Variants in MYO1B observed in about 807,000 individuals in gnomAD.
MYO1B encodes the protein unconventional myosin-Ib.
MYO1B carries 72 observed loss-of-function variants against 159.7 expected under a neutral mutation model. The ratio of observed to expected loss-of-function variants is 0.45; its 90% CI spans 0.37 to 0.55. The LOEUF is 0.55. Among genes scored for constraint, MYO1B ranks in the 20% least tolerant of loss-of-function variants. The probability of loss-of-function intolerance (pLI) is 0.00; values close to 1 mark genes in which losing one functional copy is unlikely to be tolerated. For missense variants in MYO1B, 1,062 were observed against 1,364.8 expected, an observed-to-expected ratio of 0.78 and a Z score of 3.50; for synonymous variants, 468 against 473.8, an observed-to-expected ratio of 0.99 and a Z score of 0.16.
chr2:191,288,661 A>T (rs1688523714), intron 2 of MYO1B, among the ~76,000 whole-genome samples: 1 of 152,230 alleles, frequency 6.6e-6, no homozygotes, highest in African/African-American at 2.4e-5. Flanking sequence ...TGTTTTGCAT[A>T]AAGTTAGCCC....
rs752938663 is a variant in MYO1B at position 191,370,305 on chromosome 2, A to G, written c.1185+13A>G. On this transcript the variant is annotated intron_variant, in intron 13 of 30. Transcript: ENST00000392318. The stretch of plus-strand genomic sequence containing the variant: ...TGAGATTTTCGAGGTAAGATTTAAA[A>G]TTTTTTTTGTATTGTCTTTAGTAGA... The G allele has an allele frequency of 3.1e-6, 5 of 1,601,816 alleles. No individual in the cohort carries two copies. Among genetic ancestry groups the G allele is most frequent in the Non-Finnish European group, 4.3e-6 (5 of 1,169,700 alleles).
At chr2:191,330,411 A>AAAAGTG (rs1340456265) in intron 4 of MYO1B, among the ~76,000 whole-genome samples, 1 of 152,196 alleles carries the variant, frequency 6.6e-6, no homozygotes, top group African/African-American at 2.4e-5. Flanking sequence ...ACCTTTGCTA[A>AAAAGTG]AAAGTGAGGG....
At chr2:191,290,943 T>A (rs1218234730) in intron 2 of MYO1B, among the ~76,000 whole-genome samples, 1 of 152,128 alleles carries the variant, frequency 6.6e-6, no homozygotes, top group African/African-American at 2.4e-5. Flanking sequence ...GTCCTGTGAG[T>A]CTGGAAGGGA....
At chr2:191,302,556 C>T (rs534316671) in intron 3 of MYO1B, among the ~76,000 whole-genome samples, 1 of 152,184 alleles carries the variant, frequency 6.6e-6, no homozygotes, top group East Asian at 1.9e-4. Context: ...ATTTGTTCAG[C>T]TTCGATTTGT....
At chr2:191,266,102 A>G (rs1353820806) in intron 1 of MYO1B, among the ~76,000 whole-genome samples, 1 of 152,302 alleles carries the variant, frequency 6.6e-6, no homozygotes, top group South Asian at 2.1e-4. Flanking sequence ...AAATGACTGT[A>G]GGGACAGTGG....
chr2:191,400,252 T>G, intron 21 of MYO1B, 130 bp from the exon 22 acceptor site: 2 of 994,158 alleles, frequency 2.0e-6, no homozygotes, highest in Non-Finnish European at 3.2e-6. Context: ...CACCTTCGCC[T>G]TCTTTAACCT....
chr2:191,264,486 T>C (rs1266742472), intron 1 of MYO1B, among the ~76,000 whole-genome samples: 1 of 150,864 alleles, frequency 6.6e-6, no homozygotes, highest in Non-Finnish European at 1.5e-5. Context: ...CTTTAGACTT[T>C]TTTTTTTTTG....
At chr2:191,271,845 A>G (rs1026345526) in intron 1 of MYO1B, among the ~76,000 whole-genome samples, 4 of 152,192 alleles carry the variant, frequency 2.6e-5, no homozygotes, top group East Asian at 1.9e-4. Context: ...TTGTGTAGCC[A>G]TCTCTGTGTG....
chr2:191,304,113 G>T (rs1055082031), intron 3 of MYO1B, among the ~76,000 whole-genome samples: 1 of 152,180 alleles, frequency 6.6e-6, no homozygotes, highest in Admixed American at 6.5e-5. Context: ...TGGTGGTCAA[G>T]CTCTGCTGTT....
intron 5 of MYO1B, among the ~76,000 whole-genome samples, chr2:191,345,094 C>G (rs1265082575): frequency 6.6e-6 from 1 of 152,188 alleles, no homozygotes; most frequent in Non-Finnish European, 1.5e-5. Context: ...TGCCTAGCCT[C>G]TGATTCCAGA....
In MYO1B at chr2:191,423,535, G is replaced by A. The variant is rs868846494; in HGVS notation, c.3288-302G>A. Among the ~76,000 whole-genome samples, 12 of 152,296 alleles carry A rather than the reference G, an allele frequency of 7.9e-5. 1 individual carries two copies. The highest frequency in any genetic ancestry group is 2.0e-4 in the Admixed American group (3 of 15,306). On this transcript the variant is annotated intron_variant, in intron 30 of 30. Transcript: ENST00000392318. The stretch of plus-strand genomic sequence containing the variant: ...CATAGGAATTTTTCCGCGCTTATGG[G>A]ACCACCATCATATATGTGGTTCATT...
chr2:191,279,766 T>TAAA (rs34604771), intron 2 of MYO1B, among the ~76,000 whole-genome samples: 1 of 151,324 alleles, frequency 6.6e-6, no homozygotes, highest in African/African-American at 2.4e-5. Flanking sequence ...AAGATGCAGT[T>TAAA]AAAAAAAAAC....
At chr2:191,294,780 C>A (rs916087476) in intron 2 of MYO1B, among the ~76,000 whole-genome samples, 1 of 151,716 alleles carries the variant, frequency 6.6e-6, no homozygotes, top group African/African-American at 2.4e-5. Context: ...AGTATTCTTA[C>A]AGGATGAAAG....
chr2:191,314,323 C>T (rs1690211205), intron 3 of MYO1B, among the ~76,000 whole-genome samples: 1 of 152,036 alleles, frequency 6.6e-6, no homozygotes, highest in African/African-American at 2.4e-5. Flanking sequence ...TCAATAAAGA[C>T]TTTTCTAATA....
chr2:191,373,052 A>AT (rs1694476048), intron 13 of MYO1B, among the ~76,000 whole-genome samples: 1 of 151,894 alleles, frequency 6.6e-6, no homozygotes, highest in Admixed American at 6.6e-5. Flanking sequence ...GGGTTTCACC[A>AT]TGTTGGCCAG....
chr2:191,395,450 C>A (rs193047832), intron 20 of MYO1B, among the ~76,000 whole-genome samples: 2 of 152,228 alleles, frequency 1.3e-5, no homozygotes, highest in East Asian at 1.9e-4. Context: ...GCATCTCTCC[C>A]GCCTCAGAGA....
In MYO1B at chr2:191,276,904, A is replaced by G. The variant is rs1353162501; in HGVS notation, c.9A>G (p.Lys3=). 3 of 1,606,382 alleles carry G rather than the reference A, an allele frequency of 1.9e-6. No homozygotes were observed. The highest frequency in any genetic ancestry group is 3.5e-5 in the Admixed American group (2 of 57,394). ...TTCTGCAGCTGGAGACCATGGCCAA[A>G]ATGGAGGTGAAAACCTCACTTCTGG... MA[K]MEVKTSLLDN... The change falls in exon 2 of 31, where the codon AAA becomes AAG. Residue 3 remains lysine (K), a synonymous_variant. Coordinates refer to ENST00000392318, the MANE Select transcript of MYO1B (RefSeq NM_001130158.3).
intron 3 of MYO1B, among the ~76,000 whole-genome samples, chr2:191,308,070 C>T (rs373956387): frequency 6.6e-6 from 1 of 152,146 alleles, no homozygotes; most frequent in African/African-American, 2.4e-5. Context: ...GATTCCCCCC[C>T]ACTCTAATCA....
rs561200644 is a variant in MYO1B, at chr2:191,329,533, A to G, written c.252-402A>G. 6.6e-5 allele frequency among the ~76,000 whole-genome samples: 10 copies of G among 151,222 alleles called. 1 individual carries two copies. The South Asian group carries it at 2.1e-3, about 32-fold the overall frequency. On this transcript the variant is annotated intron_variant, in intron 3 of 30. Transcript: ENST00000392318. ...CTCCTTGTTTGTCTGAGTTACCTGGATTTTAGTTTAACAACCCATAAATGT... is the reference window on the plus strand; with the variant it reads ...CTCCTTGTTTGTCTGAGTTACCTGGGTTTTAGTTTAACAACCCATAAATGT...
Sources: gnomAD v4.1 joint callset for allele counts (sites outside exome capture counted in the v4.1 genomes callset) on GRCh38, gnomAD v4.1.1 for gene constraint, MANE v1.5 for transcripts, NCBI Gene and HGNC (gene_info 2026-07-23, HGNC 2026-07-21) for gene names.